Variants in PCDH7 observed in about 807,000 individuals in gnomAD.
PCDH7 encodes protocadherin-7.
In PCDH7, 17 loss-of-function variants were observed where a neutral mutation model predicts 58.9. The ratio of observed to expected loss-of-function variants is 0.29; its 90% CI spans 0.20 to 0.43. The LOEUF is 0.43. Among genes scored for constraint, PCDH7 ranks in the 20% least tolerant of loss-of-function variants. The pLI, the probability that PCDH7 is intolerant of heterozygous loss-of-function variation, is 1.00. For missense variants in PCDH7, 1,274 were observed against 1,441.0 expected (o/e 0.88, Z 1.88); for synonymous variants, 664 against 616.4 (o/e 1.08, Z -1.14).
chr4:30,937,758 A>G (rs1474786383), intron 2 of PCDH7, among the ~76,000 whole-genome samples: 1 of 152,078 alleles, frequency 6.6e-6, no homozygotes, highest in Non-Finnish European at 1.5e-5. Context: ...TAGCATTTAA[A>G]ATATTGTAAA....
chr4:30,752,348 G>C lies in PCDH7; in HGVS notation c.70+27752G>C, dbSNP rs145606438. 2.1e-4 allele frequency among the ~76,000 whole-genome samples: 32 copies of C among 152,200 alleles called. 1 individual carries two copies. Among genetic ancestry groups the C allele is most frequent in the South Asian group, 6.2e-4 (3 of 4,824 alleles). On this transcript the variant is annotated intron_variant, in intron 1 of 3. Transcript: ENST00000509759. The stretch of plus-strand genomic sequence containing the variant: ...GGGGTTTCACCATGTTGGTCAGGCT[G>C]GTCCTTCTTGGCTTCTTTGGCATGA...
chr4:30,758,824 G>T (rs1347526997), intron 1 of PCDH7, among the ~76,000 whole-genome samples: 1 of 151,978 alleles, frequency 6.6e-6, no homozygotes, highest in Admixed American at 6.6e-5. Context: ...AATTATTGAT[G>T]CAGTTATTCT....
At chr4:30,764,764 A>C (rs965277039) in intron 1 of PCDH7, among the ~76,000 whole-genome samples, 21 of 152,182 alleles carry the variant, frequency 1.4e-4, no homozygotes, top group African/African-American at 4.6e-4. Flanking sequence ...CTCTGTCACC[A>C]GGCTGGAGCA....
intron 1 of PCDH7, among the ~76,000 whole-genome samples, chr4:30,872,728 T>G (rs1735781874): frequency 6.6e-6 from 1 of 152,110 alleles, no homozygotes; most frequent in Non-Finnish European, 1.5e-5. Context: ...ACATAGCACT[T>G]CCTTTGCAGA....
chr4:30,752,783 C>G (rs1349072344), intron 1 of PCDH7, among the ~76,000 whole-genome samples: 29 of 99,500 alleles, frequency 2.9e-4, no homozygotes, highest in African/African-American at 3.4e-4. Flanking sequence ...CCTGTAGGGG[C>G]AAAAAAAAAA....
intron 3 of PCDH7, among the ~76,000 whole-genome samples, chr4:31,032,585 G>T (rs1168072440): frequency 1.4e-5 from 2 of 146,952 alleles, no homozygotes; most frequent in African/African-American, 5.0e-5. Flanking sequence ...TCCAGCCTGG[G>T]TGATAGAGTC....
chr4:30,994,788 T>A (rs999509471), intron 3 of PCDH7, among the ~76,000 whole-genome samples: 12 of 152,184 alleles, frequency 7.9e-5, no homozygotes, highest in African/African-American at 2.9e-4. Flanking sequence ...AGTTTTCTAA[T>A]ATAGGTATAT....
chr4:30,869,718 A>G (rs924091951), intron 1 of PCDH7, among the ~76,000 whole-genome samples: 15 of 152,208 alleles, frequency 9.9e-5, no homozygotes, highest in African/African-American at 1.7e-4. Flanking sequence ...AGTCTTTGCT[A>G]TTGGGAACAG....
intron 1 of PCDH7, among the ~76,000 whole-genome samples, chr4:30,793,238 T>A (rs1362318114): frequency 6.6e-6 from 1 of 152,178 alleles, no homozygotes; most frequent in African/African-American, 2.4e-5. Flanking sequence ...CACAGAATCT[T>A]TTTATCTTTC....
At chr4:30,772,461 C>A (rs10517215) in intron 1 of PCDH7, among the ~76,000 whole-genome samples, 21,299 of 152,092 alleles carry the variant, frequency 0.14, 1,718 homozygotes, top group East Asian at 0.29. Flanking sequence ...TGGCTGACAA[C>A]TTCATAGTTC....
At chr4:30,995,909 G>A (rs1316595434) in intron 3 of PCDH7, among the ~76,000 whole-genome samples, 1 of 152,024 alleles carries the variant, frequency 6.6e-6, no homozygotes, top group Non-Finnish European at 1.5e-5. Flanking sequence ...GATTATCCAG[G>A]ATAATCTCCC....
intron 3 of PCDH7, among the ~76,000 whole-genome samples, chr4:31,050,019 G>T (rs1292797103): frequency 2.0e-5 from 3 of 152,040 alleles, no homozygotes; most frequent in African/African-American, 7.2e-5. Flanking sequence ...AAATACAAAT[G>T]TCTACTTTAT....
At chr4:30,882,434 T>C (rs972940314) in intron 1 of PCDH7, among the ~76,000 whole-genome samples, 1 of 152,152 alleles carries the variant, frequency 6.6e-6, no homozygotes, top group Non-Finnish European at 1.5e-5. Flanking sequence ...ATATGTTTTG[T>C]TCTTTGTAGA....
chr4:30,934,219 T>C (rs1048211526), intron 2 of PCDH7, among the ~76,000 whole-genome samples: 3 of 152,200 alleles, frequency 2.0e-5, no homozygotes, highest in South Asian at 4.1e-4. Context: ...AGTATGCTTT[T>C]TCTTTCGCTG....
chr4:30,732,744 A>T (rs1249608100), exon 2 of PCDH7: 1 of 152,056 alleles, frequency 6.6e-6, no homozygotes, highest in Non-Finnish European at 1.5e-5. Flanking sequence ...AGCACTCTAG[A>T]CTGGGGTAGG....
At chr4:30,978,678 T>C (rs1330770071) in intron 3 of PCDH7, among the ~76,000 whole-genome samples, 1 of 152,192 alleles carries the variant, frequency 6.6e-6, no homozygotes, top group African/African-American at 2.4e-5. Flanking sequence ...ACCTACACCA[T>C]TATCGGGCAA....
At chr4:30,799,937 T>G (rs1321115614) in intron 1 of PCDH7, among the ~76,000 whole-genome samples, 1 of 151,598 alleles carries the variant, frequency 6.6e-6, no homozygotes, top group Admixed American at 6.6e-5. Flanking sequence ...CACTGCAACC[T>G]CCACCTGCCA....
At chr4:30,808,435 A>G (rs1244105221) in intron 1 of PCDH7, among the ~76,000 whole-genome samples, 2 of 152,152 alleles carry the variant, frequency 1.3e-5, no homozygotes, top group Admixed American at 6.6e-5. Flanking sequence ...AAGATAACTT[A>G]GGCACAATTC....
intron 1 of PCDH7, among the ~76,000 whole-genome samples, chr4:30,844,519 TC>T (rs1731657324): frequency 6.6e-6 from 1 of 152,174 alleles, no homozygotes; most frequent in East Asian, 1.9e-4. Flanking sequence ...TTGGAGCTTT[TC>T]TAGCTTTTTC....
Sources: allele counts gnomAD v4.1 joint callset (sites outside exome capture counted in the v4.1 genomes callset), GRCh38; gene constraint gnomAD v4.1.1; transcripts MANE v1.5; gene names NCBI Gene and HGNC (gene_info 2026-07-23, HGNC 2026-07-21).